ITGA1: variants seen among roughly 807,000 people sequenced by gnomAD.
ITGA1 encodes integrin subunit alpha 1.
ITGA1 carries 85 observed loss-of-function variants against 145.9 expected under a neutral mutation model. That is an observed-to-expected ratio of 0.58 (90% confidence interval 0.49 to 0.70). The LOEUF (loss-of-function observed/expected upper bound fraction) is 0.70. ITGA1 is among the 30% of genes least tolerant of loss of function. The pLI is 0.00. For missense variants in ITGA1, 1,351 were observed against 1,418.7 expected (o/e 0.95, Z 0.77); for synonymous variants, 520 against 495.3 (o/e 1.05, Z -0.66).
intron 3 of ITGA1, among the ~76,000 whole-genome samples, chr5:52,862,987 A>T (rs10471821): frequency 0.014 from 2,102 of 152,310 alleles, 64 homozygotes; most frequent in African/African-American, 0.046. Context: ...ATATCTCAAC[A>T]TCACTTTCCA....
chr5:52,857,605 T>G (rs1251049245), intron 2 of ITGA1, among the ~76,000 whole-genome samples: 3 of 152,188 alleles, frequency 2.0e-5, no homozygotes, highest in Non-Finnish European at 4.4e-5. Flanking sequence ...CTTCTTTGGT[T>G]TCTGTGACAC....
At chr5:52,824,952 T>C (rs955259946) in intron 1 of ITGA1, 1 of 152,204 alleles carries the variant, frequency 6.6e-6, no homozygotes, top group African/African-American at 2.4e-5. Context: ...TAGTAAAATA[T>C]ACATAAAATA....
intron 2 of ITGA1, among the ~76,000 whole-genome samples, chr5:52,851,708 T>G (rs1276402296): frequency 6.6e-6 from 1 of 152,196 alleles, no homozygotes; most frequent in East Asian, 1.9e-4. Flanking sequence ...TGTGAGGTAA[T>G]GTTAATAAGA....
intron 1 of ITGA1, among the ~76,000 whole-genome samples, chr5:52,834,863 C>T (rs924131515): frequency 1.3e-5 from 2 of 151,992 alleles, no homozygotes; most frequent in Non-Finnish European, 1.5e-5. Flanking sequence ...GTCACTTTAG[C>T]GGTTAGGGCT....
intron 3 of ITGA1, 89 bp downstream of exon 3, chr5:52,861,648 A>G: frequency 1.3e-6 from 1 of 774,224 alleles, no homozygotes; most frequent in Non-Finnish European, 2.2e-6. Flanking sequence ...AGACAGGCAT[A>G]TCGTTTGAGC....
chr5:52,799,795 T>C (rs1045304050), intron 1 of ITGA1: 1 of 154,750 alleles, frequency 6.5e-6, no homozygotes, highest in Non-Finnish European at 1.4e-5. Flanking sequence ...AGCTTTGAAA[T>C]TGGATTTACC....
At position 52,884,443 on chromosome 5, in the gene ITGA1, G is replaced by GC. The variant is rs1231077127; in HGVS notation, c.773+2424dup. Among the ~76,000 whole-genome samples, 65 of 124,012 alleles carry GC rather than the reference G, an allele frequency of 5.2e-4. 1 individual carries two copies. In the East Asian group the frequency reaches 7.3e-3, roughly 14 times the overall value. 81.4% of individuals were successfully genotyped at this position (124,012 alleles called of 152,430 possible). A position where few individuals can be genotyped will look rare whatever the true frequency, so the allele number is the denominator to read the frequency against. On this transcript the variant is annotated intron_variant, in intron 7 of 28. Transcript: ENST00000282588. ...GCCTGGGCAACAAGAGCAAAACTCTGCCTTAAAAAAAAAAAAAAAGCCAGA... is the reference window on the plus strand; with the variant it reads ...GCCTGGGCAACAAGAGCAAAACTCTGCCCTTAAAAAAAAAAAAAAAGCCAGA...
chr5:52,799,237 T>C (rs1290370862), intron 1 of ITGA1, among the ~76,000 whole-genome samples: 1 of 152,212 alleles, frequency 6.6e-6, no homozygotes, highest in Non-Finnish European at 1.5e-5. Context: ...CCATTTCCAC[T>C]TCCTAATAAA....
chr5:52,949,108 T>A (rs1202204293), intron 28 of ITGA1, among the ~76,000 whole-genome samples: 2 of 152,148 alleles, frequency 1.3e-5, no homozygotes, highest in African/African-American at 4.8e-5. Flanking sequence ...TGGGCTGTCT[T>A]ACCCGGTAGA....
chr5:52,874,063 G>GA (rs148889119), intron 6 of ITGA1, among the ~76,000 whole-genome samples: 80 of 141,750 alleles, frequency 5.6e-4, no homozygotes, highest in Middle Eastern at 3.6e-3. Context: ...TAGACAATTT[G>GA]AAAAAAAAAA....
At chr5:52,896,069 G>C (rs1750218917) in intron 9 of ITGA1, among the ~76,000 whole-genome samples, 1 of 152,154 alleles carries the variant, frequency 6.6e-6, no homozygotes, top group African/African-American at 2.4e-5. Flanking sequence ...TTCCCGTTGA[G>C]CACTGGGAGA....
chr5:52,821,427 C>T (rs1441878399), intron 1 of ITGA1, among the ~76,000 whole-genome samples: 1 of 152,132 alleles, frequency 6.6e-6, no homozygotes, highest in African/African-American at 2.4e-5. Flanking sequence ...AATATTCCCT[C>T]CCAATGAATG....
chr5:52,848,447 G>A (rs1749372401), intron 1 of ITGA1, among the ~76,000 whole-genome samples: 1 of 152,122 alleles, frequency 6.6e-6, no homozygotes, highest in Non-Finnish European at 1.5e-5. Flanking sequence ...GTTTCTGCCT[G>A]CTCTTTTCCA....
At position 52,941,882 on chromosome 5, in the gene ITGA1, T is replaced by G. The variant is rs74852046; in HGVS notation, c.3285+1938T>G. 6.8e-4 allele frequency among the ~76,000 whole-genome samples: 104 copies of G among 152,270 alleles called. 1 individual carries two copies. In the East Asian group the frequency reaches 0.019, roughly 27 times the overall value. ...AATGTCAGAGAGGGTATTTCCTAGG[T>G]TTTCTTATAATATTTTTATAGTTAA... On this transcript the variant is annotated intron_variant, in intron 26 of 28. Transcript: ENST00000282588.
At chr5:52,946,414 C>T (rs1048253332) in intron 27 of ITGA1, among the ~76,000 whole-genome samples, 1 of 152,164 alleles carries the variant, frequency 6.6e-6, no homozygotes, top group Admixed American at 6.5e-5. Context: ...TGGTCTGATG[C>T]TGTATATGTC....
chr5:52,910,542 T>A, intron 14 of ITGA1, 123 bp downstream of exon 14: 1 of 1,007,322 alleles, frequency 9.9e-7, no homozygotes, highest in Non-Finnish European at 1.4e-6. Flanking sequence ...GAAACTGGAT[T>A]TAATTCTCTT....
At chr5:52,930,227 G>C (rs1285966967) in intron 21 of ITGA1, among the ~76,000 whole-genome samples, 1 of 152,144 alleles carries the variant, frequency 6.6e-6, no homozygotes, top group Non-Finnish European at 1.5e-5. Context: ...ATTATCCACT[G>C]ACCTGTCTGC....
intron 15 of ITGA1, 112 bp from the exon 16 acceptor site, chr5:52,918,620 T>C: frequency 1.1e-6 from 1 of 911,156 alleles, no homozygotes; most frequent in South Asian, 2.0e-5. Context: ...TCCTGAGCGC[T>C]GTATTATACA....
In ITGA1 at chr5:52,834,659, GAGAA is replaced by G. The variant is rs148839764; in HGVS notation, c.62-14690_62-14687del. Among the ~76,000 whole-genome samples the G allele has an allele frequency of 6.2e-3, 926 of 150,362 alleles. 4 individuals are homozygous for G. The highest frequency in any genetic ancestry group is 0.012 in the African/African-American group (477 of 40,904). On this transcript the variant is annotated intron_variant, in intron 1 of 28. Coordinates refer to ENST00000282588, the MANE Select transcript of ITGA1 (RefSeq NM_181501.2). ...AAAGACAGAAAGAAAGAAAAAGAAA[GAGAA>G]AGAAAGAAAGAAAGAGAAAGAAAGA...
Sources: allele counts gnomAD v4.1 joint callset (sites outside exome capture counted in the v4.1 genomes callset), GRCh38; gene constraint gnomAD v4.1.1; transcripts MANE v1.5; gene names NCBI Gene and HGNC (gene_info 2026-07-23, HGNC 2026-07-21).